Variants in PCDHGA10 observed in about 807,000 individuals in gnomAD.
The protein encoded by PCDHGA10 is protocadherin gamma subfamily A, 10.
A neutral mutation model predicts 59.5 loss-of-function variants in PCDHGA10; 42 were observed. That is an observed-to-expected ratio of 0.71 (90% confidence interval 0.55 to 0.91). The LOEUF (loss-of-function observed/expected upper bound fraction) is 0.91. Ranked by LOEUF, PCDHGA10 falls within the 40% of genes least tolerant of loss-of-function variation. The pLI, the probability that PCDHGA10 is intolerant of heterozygous loss-of-function variation, is 0.00. For synonymous variants in PCDHGA10, 511 were observed against 517.2 expected (o/e 0.99, Z 0.16); for missense variants, 1,111 against 1,198.2 (o/e 0.93, Z 1.07).
Position 141,489,629 on chromosome 5 carries a change from C to G in PCDHGA10, c.2437-5178C>G. 6.2e-7 allele frequency: 1 copy of G among 1,614,142 alleles called. No individual in the cohort carries two copies. The highest frequency in any genetic ancestry group is 8.5e-7 in the Non-Finnish European group (1 of 1,180,014). On this transcript the variant is annotated intron_variant, in intron 1 of 3. Coordinates refer to ENST00000398610, the MANE Select transcript of PCDHGA10 (RefSeq NM_018913.3). The surrounding 1 kb of genome is among the most constrained non-coding windows in gnomAD (Gnocchi z 4.5). Reference sequence around the variant, plus strand: ...GAGATCCTGGATCTCAATGACAACTCTCCTAGCTTTGCCACCCCTGAGCGA... The same window carrying G: ...GAGATCCTGGATCTCAATGACAACTGTCCTAGCTTTGCCACCCCTGAGCGA...
chr5:141,485,185 G>C lies in PCDHGA10; in HGVS notation c.2437-9622G>C. On this transcript the variant is annotated intron_variant, in intron 1 of 3. Transcript: ENST00000398610. This position sits in a 1 kb window ranked among gnomAD's most constrained non-coding sequence, Gnocchi z 5.7. ...AGCGGGCGGCAGCAATGCTCCGCAA[G>C]GTGAGAAGCTGGACAGAAATCTGGC... 6.2e-7 allele frequency: 1 copy of C among 1,613,528 alleles called. No homozygotes were observed. Among genetic ancestry groups the C allele is most frequent in the Non-Finnish European group, 8.5e-7 (1 of 1,179,492 alleles).
intron 1 of PCDHGA10, chr5:141,478,480 G>C (rs1444434721): frequency 1.9e-6 from 3 of 1,613,564 alleles, no homozygotes; most frequent in South Asian, 2.2e-5. Flanking sequence ...GCCAGAACAC[G>C]CTGCGGAGCT....
rs144113016 is a variant in PCDHGA10 at position 141,428,135 on chromosome 5, G to T, written c.2436+12524G>T. On this transcript the variant is annotated intron_variant, in intron 1 of 3. Coordinates refer to ENST00000398610, the MANE Select transcript of PCDHGA10 (RefSeq NM_018913.3). Reference sequence around the variant, plus strand: ...CCATCGAGCCCGGGCTTTTCAGCCTGGGGCTGCACACGGGAACCTGCTGGT... The same window carrying T: ...CCATCGAGCCCGGGCTTTTCAGCCTTGGGCTGCACACGGGAACCTGCTGGT... 347 of 1,601,046 alleles carry T rather than the reference G, an allele frequency of 2.2e-4. No homozygotes were observed. The African/African-American group carries it at 3.9e-3, about 18-fold the overall frequency.
rs1190624035 is a variant in PCDHGA10, at chr5:141,432,332, T to G, written c.2436+16721T>G. ...GCTGAGCTCCTTCGACTACGAGCAG[T>G]TCCGAGACTTGCAAGTGAAAGTGAT... On this transcript the variant is annotated intron_variant, in intron 1 of 3. Coordinates refer to ENST00000398610, the MANE Select transcript of PCDHGA10 (RefSeq NM_018913.3). The surrounding 1 kb of genome is among the most constrained non-coding windows in gnomAD (Gnocchi z 6.0). The G allele has an allele frequency of 2.5e-6, 4 of 1,614,116 alleles. No homozygotes were observed. In the African/African-American group the frequency reaches 5.3e-5, roughly 22 times the overall value.
At chr5:141,427,969 A>G (rs1239461810) in intron 1 of PCDHGA10, 1 of 1,591,942 alleles carries the variant, frequency 6.3e-7, no homozygotes, top group Admixed American at 1.7e-5. Context: ...CGGGTGCTGT[A>G]CCCCGCGCTG....
In PCDHGA10 at chr5:141,487,365, G is replaced by A. The variant is rs1466536791; in HGVS notation, c.2437-7442G>A. On this transcript the variant is annotated intron_variant, in intron 1 of 3. Coordinates refer to ENST00000398610, the MANE Select transcript of PCDHGA10 (RefSeq NM_018913.3). This position sits in a 1 kb window ranked among gnomAD's most constrained non-coding sequence, Gnocchi z 5.0. ...GTCACATGCTTTCCTGCTGGCACCT[G>A]TGCCTGTCTCACCAGATCTCGAAGG... The A allele has an allele frequency of 1.2e-6, 2 of 1,614,068 alleles. No homozygotes were observed. Among genetic ancestry groups the A allele is most frequent in the South Asian group, 1.1e-5 (1 of 91,088 alleles).
intron 1 of PCDHGA10, among the ~76,000 whole-genome samples, chr5:141,480,700 C>A (rs1327284592): frequency 1.3e-5 from 2 of 152,192 alleles, no homozygotes; most frequent in Admixed American, 6.5e-5. Flanking sequence ...CCAGGCCACA[C>A]CCCGACAAAT....
chr5:141,490,128 C>T lies in PCDHGA10; in HGVS notation c.2437-4679C>T, dbSNP rs970815408. 1.2e-6 allele frequency: 2 copies of T among 1,614,254 alleles called. No homozygotes were observed. Among genetic ancestry groups the T allele is most frequent in the Non-Finnish European group, 8.5e-7 (1 of 1,180,042 alleles). ...CAGTGCGGAACCTCTTTGGCCTAGA[C>T]CCTAGCAGTGGGGCAATCCATGTGT... On this transcript the variant is annotated intron_variant, in intron 1 of 3. Transcript: ENST00000398610. The surrounding 1 kb of genome is among the most constrained non-coding windows in gnomAD (Gnocchi z 5.4).
At chr5:141,481,913 C>CAAAAAA (rs34114744) in intron 1 of PCDHGA10, among the ~76,000 whole-genome samples, 2 of 90,846 alleles carry the variant, frequency 2.2e-5, no homozygotes, top group Non-Finnish European at 4.4e-5. Flanking sequence ...AACTCCATCT[C>CAAAAAA]AAAAAAAAAA....
intron 1 of PCDHGA10, among the ~76,000 whole-genome samples, chr5:141,481,836 G>A (rs1435746995): frequency 2.7e-5 from 4 of 150,638 alleles, no homozygotes; most frequent in Non-Finnish European, 5.9e-5. Context: ...CAGGAGAATC[G>A]CTTGATGGTG....
intron 1 of PCDHGA10, among the ~76,000 whole-genome samples, chr5:141,447,527 A>C (rs1278828003): frequency 6.6e-6 from 1 of 152,224 alleles, no homozygotes; most frequent in East Asian, 1.9e-4. Flanking sequence ...TCATAACAAA[A>C]TTGTTGGGTT....
At chr5:141,459,763 G>A (rs1243169814) in intron 1 of PCDHGA10, among the ~76,000 whole-genome samples, 1 of 152,206 alleles carries the variant, frequency 6.6e-6, no homozygotes, top group South Asian at 2.1e-4. Context: ...GTGGGTGTGT[G>A]ATACTATCTC....
intron 3 of PCDHGA10, among the ~76,000 whole-genome samples, chr5:141,505,793 GGACTTGGATC>G (rs2099848390): frequency 6.6e-6 from 1 of 152,142 alleles, no homozygotes; most frequent in Non-Finnish European, 1.5e-5. Flanking sequence ...ACTATCCTTG[GGACTTGGATC>G]GACTTGCTCA....
At chr5:141,418,536 C>G (rs1196331424) in intron 1 of PCDHGA10, 6 of 1,614,026 alleles carry the variant, frequency 3.7e-6, no homozygotes, top group South Asian at 1.1e-5. Flanking sequence ...AGCGGTACTG[C>G]TCAGATAAGA....
intron 1 of PCDHGA10, chr5:141,441,986 C>G (rs2098288559): frequency 7.4e-6 from 2 of 269,216 alleles, no homozygotes; most frequent in Non-Finnish European, 1.5e-5. Flanking sequence ...GAATGCGCAC[C>G]GACGAGGTGC....
intron 1 of PCDHGA10, chr5:141,422,118 ACAAACTGGAGAAGTT>A (rs1243312753): frequency 6.2e-7 from 1 of 1,604,312 alleles, no homozygotes; most frequent in Non-Finnish European, 8.5e-7. Flanking sequence ...AATTGGATTC[ACAAACTGGAGAAGTT>A]CAAGTACGGG....
intron 1 of PCDHGA10, chr5:141,418,398 T>C (rs754177868): frequency 6.2e-7 from 1 of 1,613,842 alleles, no homozygotes; most frequent in South Asian, 1.1e-5. Flanking sequence ...TATTTCTCAT[T>C]GGTGGAGAAA....
chr5:141,476,234 G>A lies in PCDHGA10; in HGVS notation c.2437-18573G>A. 6.2e-7 allele frequency: 1 copy of A among 1,614,070 alleles called. No individual in the cohort carries two copies. The highest frequency in any genetic ancestry group is 8.5e-7 in the Non-Finnish European group (1 of 1,180,014). On this transcript the variant is annotated intron_variant, in intron 1 of 3. Coordinates refer to ENST00000398610, the MANE Select transcript of PCDHGA10 (RefSeq NM_018913.3). The surrounding 1 kb of genome is among the most constrained non-coding windows in gnomAD (Gnocchi z 7.6). Reference sequence around the variant, plus strand: ...GGTCATTCACTATGAGATCCCGGAGGAAAGAGAGAAGGGTTTCGCTGTGGG... The same window carrying A: ...GGTCATTCACTATGAGATCCCGGAGAAAAGAGAGAAGGGTTTCGCTGTGGG...
intron 1 of PCDHGA10, among the ~76,000 whole-genome samples, chr5:141,447,600 T>G (rs769487703): frequency 6.6e-6 from 1 of 151,992 alleles, no homozygotes; most frequent in Non-Finnish European, 1.5e-5. Flanking sequence ...TCCTATAGAG[T>G]CCTTAGCATT....
Sources: allele counts gnomAD v4.1 joint callset (sites outside exome capture counted in the v4.1 genomes callset), GRCh38; gene constraint gnomAD v4.1.1; non-coding constraint Gnocchi (gnomAD v3.1); transcripts MANE v1.5; gene names NCBI Gene and HGNC (gene_info 2026-07-23, HGNC 2026-07-21).